The following PDZD7 variants were observed in gnomAD, a reference collection of about 807,000 sequenced individuals.
PDZD7 encodes PDZ domain containing 7.
A neutral mutation model predicts 84.7 loss-of-function variants in PDZD7; 72 were observed. That is an observed-to-expected ratio of 0.85 (90% CI 0.70 to 1.03). The LOEUF is 1.03. Among genes scored for constraint, PDZD7 ranks in the 50% least tolerant of loss-of-function variants. The pLI is 0.00. For synonymous variants in PDZD7, 594 were observed against 580.7 expected (o/e 1.02, Z -0.33); for missense variants, 1,490 against 1,412.9 (o/e 1.05, Z -0.87).
rs190286898 is a variant in PDZD7 at position 101,008,043 on chromosome 10, C to T, written c.*424G>A. On this transcript the variant is annotated 3_prime_UTR_variant, in exon 17 of 17. Transcript: ENST00000619208. ...TCAGGGACTAGAAAAGCCTTTCATCCGTTTCCTTGCACAGAATGCTGCTTG... is the reference window on the plus strand; with the variant it reads ...TCAGGGACTAGAAAAGCCTTTCATCTGTTTCCTTGCACAGAATGCTGCTTG... The T allele has an allele frequency of 6.4e-4, 118 of 184,918 alleles. No individual in the cohort carries two copies. The highest frequency in any genetic ancestry group is 2.0e-3 in the African/African-American group (87 of 42,678). 11.5% of individuals were successfully genotyped at this position (184,918 alleles called of 1,614,324 possible).
In PDZD7 at chr10:101,014,722, T is replaced by G. The variant is rs571042664; in HGVS notation, c.1749+914A>C. 1.3e-4 allele frequency among the ~76,000 whole-genome samples: 20 copies of G among 148,934 alleles called. No homozygotes were observed. The South Asian group carries it at 1.7e-3, about 13-fold the overall frequency. The stretch of plus-strand genomic sequence containing the variant: ...CTAGCCAGACACGTGCTTGCTCACA[T>G]GCACACACACACACACAATCATGCA... On this transcript the variant is annotated intron_variant, in intron 11 of 16. Coordinates refer to ENST00000619208, the MANE Select transcript of PDZD7 (RefSeq NM_001195263.2).
chr10:101,015,413 G>A (rs1297973850), intron 11 of PDZD7, among the ~76,000 whole-genome samples: 2 of 152,170 alleles, frequency 1.3e-5, no homozygotes, highest in Non-Finnish European at 2.9e-5. Context: ...TCATCACCAT[G>A]GGCGTTTAGG....
intron 11 of PDZD7, 68 bp from the exon 12 acceptor site, chr10:101,012,326 G>C: frequency 1.5e-6 from 2 of 1,303,854 alleles, no homozygotes; most frequent in Admixed American, 4.0e-5. Flanking sequence ...GGGGACACCA[G>C]GGCATGCAGG....
At chr10:101,012,083 G>A in intron 12 of PDZD7, 67 bp from the exon 13 acceptor site, 1 of 1,540,350 alleles carries the variant, frequency 6.5e-7, no homozygotes, top group East Asian at 2.5e-5. Flanking sequence ...GAGGTGCCAG[G>A]ATGCCCTTCA....
Position 101,011,196 on chromosome 10 carries a change from A to C in PDZD7, c.2006-313T>G, listed in dbSNP as rs807021. ...AGCTGGGATTACAGGCGTGCACCAA[A>C]AAGCCCAGGTCATTTTTGTATTTTT... On this transcript the variant is annotated intron_variant, in intron 14 of 16. Coordinates refer to ENST00000619208, the MANE Select transcript of PDZD7 (RefSeq NM_001195263.2). 0.86 allele frequency: 514,236 copies of C among 596,856 alleles called. 222,632 individuals carry two copies. Among genetic ancestry groups the C allele is most frequent in the Non-Finnish European group, 0.89 (353,825 of 397,118 alleles). 37.0% of individuals were successfully genotyped at this position (596,856 alleles called of 1,614,324 possible).
chr10:101,026,280 A>T (rs1198566900), intron 2 of PDZD7, among the ~76,000 whole-genome samples: 2 of 151,940 alleles, frequency 1.3e-5, no homozygotes, highest in Non-Finnish European at 2.9e-5. Flanking sequence ...GATTACTGGC[A>T]TGTGCCACCA....
At chr10:101,017,474 G>A in intron 9 of PDZD7, 2 of 581,084 alleles carry the variant, frequency 3.4e-6, no homozygotes, top group South Asian at 4.4e-5. Context: ...TGATCTTGCT[G>A]CTTCAGCTTC....
Position 101,012,207 on chromosome 10 carries a change from G to C in PDZD7, c.1801C>G (p.Leu601Val). ...EDLVRPLLAILDRPEKLLLLQ... is the reference protein window; with the variant it reads ...EDLVRPLLAIVDRPEKLLLLQ... ...AGTAGCAGCTTCTCCGGCCTGTCGAGGATGGCCAGCAGGGGCCTCACCAGG... is the reference window on the plus strand; with the variant it reads ...AGTAGCAGCTTCTCCGGCCTGTCGACGATGGCCAGCAGGGGCCTCACCAGG... The change falls in exon 12 of 17, where the codon CTC becomes GTC. Residue 601 changes from leucine (L) to valine (V), a missense_variant. Coordinates refer to ENST00000619208, the MANE Select transcript of PDZD7 (RefSeq NM_001195263.2). 6.4e-7 allele frequency: 1 copy of C among 1,550,432 alleles called. No homozygotes were observed. The highest frequency in any genetic ancestry group is 8.7e-7 in the Non-Finnish European group (1 of 1,146,990).
Position 101,010,532 on chromosome 10 carries a change from C to G in PDZD7, c.2357G>C (p.Arg786Pro). The G allele has an allele frequency of 2.6e-6, 4 of 1,516,090 alleles. No homozygotes were observed. The highest frequency in any genetic ancestry group is 2.6e-6 in the Non-Finnish European group (3 of 1,134,044). The allele number at this position is 1,516,090 out of a possible 1,614,324, so 93.9% of individuals were successfully genotyped here. ...TCTACCTGGAGACTTGCCTTGACCC[C>G]GGCTGCTGCGGCTGCGGCTGCGGCT... is the stretch of plus-strand genomic sequence containing the variant. ...SRSRSRSRSS[R>P]GQGKSPGRRS... Residue 786 changes from arginine to proline, a missense_variant, in exon 15 of 17, where the codon CGG becomes CCG. Arg to Pro is a moderately radical substitution (Grantham distance 103, BLOSUM62 -2). Transcript: ENST00000619208.
At chr10:101,014,480 GCCGGC>G (rs1333136470) in intron 11 of PDZD7, among the ~76,000 whole-genome samples, 1 of 152,130 alleles carries the variant, frequency 6.6e-6, no homozygotes, top group African/African-American at 2.4e-5. Flanking sequence ...AGCCTGCATT[GCCGGC>G]CCACTGGAGG....
intron 16 of PDZD7, 33 bp downstream of exon 16, chr10:101,009,217 C>CT (rs1852312822): frequency 6.6e-7 from 1 of 1,505,618 alleles, no homozygotes. Context: ...CAGCTGTGCT[C>CT]TGAGAGGGTG....
chr10:101,027,109 A>G (rs1937758644), intron 2 of PDZD7, among the ~76,000 whole-genome samples: 1 of 151,918 alleles, frequency 6.6e-6, no homozygotes, highest in South Asian at 2.1e-4. Context: ...TATTCTCTAT[A>G]CAGTACCCAG....
chr10:101,023,362 TG>T, intron 4 of PDZD7, 73 bp downstream of exon 4: 1 of 1,557,682 alleles, frequency 6.4e-7, no homozygotes. Context: ...CTCCTGCCAG[TG>T]GGTTTTGGGT....
chr10:101,023,154 A>AC (rs1387933724), intron 4 of PDZD7: 6 of 413,926 alleles, frequency 1.4e-5, no homozygotes, highest in Non-Finnish European at 4.4e-6. Flanking sequence ...TCCTTACAGC[A>AC]CCCCTGTAGA....
chr10:101,020,723 G>A (rs749580146), intron 6 of PDZD7, 45 bp from the exon 7 acceptor site: 4 of 1,492,812 alleles, frequency 2.7e-6, no homozygotes, highest in Non-Finnish European at 3.7e-6. Context: ...GGAGCAGTGA[G>A]GAGGGAGAGT....
chr10:101,024,782 A>G (rs1564640495), intron 2 of PDZD7, among the ~76,000 whole-genome samples: 2 of 151,726 alleles, frequency 1.3e-5, no homozygotes, highest in African/African-American at 2.4e-5. Flanking sequence ...AAAAAAAAAA[A>G]AAAGAAAGAA....
In PDZD7 at chr10:101,009,134, C is replaced by G. The variant is rs530107650; in HGVS notation, c.2718+116G>C. Reference sequence around the variant, plus strand: ...TCACCTGAACCCCCTCACCCCAAGCCTCCTCCCACAACCCGGGCTAAACAT... The same window carrying G: ...TCACCTGAACCCCCTCACCCCAAGCGTCCTCCCACAACCCGGGCTAAACAT... On this transcript the variant is annotated intron_variant, in intron 16 of 16. Transcript: ENST00000619208. 163 of 998,924 alleles carry G rather than the reference C, an allele frequency of 1.6e-4. 1 individual carries two copies. In the African/African-American group the frequency reaches 2.3e-3, roughly 14 times the overall value. The allele number at this position is 998,924 out of a possible 1,614,324, so 61.9% of individuals were successfully genotyped here. A position where few individuals can be genotyped will look rare whatever the true frequency, so the allele number is the denominator to read the frequency against.
At chr10:101,025,708 C>T (rs568557251) in intron 2 of PDZD7, among the ~76,000 whole-genome samples, 8 of 151,048 alleles carry the variant, frequency 5.3e-5, no homozygotes, top group East Asian at 2.0e-4. Flanking sequence ...CCACCACGCC[C>T]GGCTAATTTT....
intron 7 of PDZD7, 125 bp from the exon 8 acceptor site, chr10:101,019,342 G>C: frequency 8.1e-7 from 1 of 1,233,316 alleles, no homozygotes; most frequent in Non-Finnish European, 1.1e-6. Flanking sequence ...TAGAACCGCA[G>C]TGGTGAGGAA....
Sources: allele counts gnomAD v4.1 joint callset (sites outside exome capture counted in the v4.1 genomes callset), GRCh38; gene constraint gnomAD v4.1.1; transcripts MANE v1.5; gene names NCBI Gene and HGNC (gene_info 2026-07-23, HGNC 2026-07-21).